The following DPP10 variants were observed in gnomAD, a reference collection of about 807,000 sequenced individuals.
DPP10 encodes the protein inactive dipeptidyl peptidase 10.
A neutral mutation model predicts 120.9 loss-of-function variants in DPP10; 33 were observed. The ratio of observed to expected loss-of-function variants is 0.27; its 90% CI spans 0.21 to 0.37. The LOEUF is 0.37. Among genes scored for constraint, DPP10 ranks in the 10% least tolerant of loss-of-function variants. DPP10 has a pLI of 1.00. For missense variants in DPP10, 816 were observed against 942.8 expected (o/e 0.87, Z 1.76); for synonymous variants, 337 against 326.1 (o/e 1.03, Z -0.36).
chr2:115,650,517 C>T (rs1204181965), intron 5 of DPP10, among the ~76,000 whole-genome samples: 2 of 151,976 alleles, frequency 1.3e-5, no homozygotes, highest in East Asian at 3.9e-4. Flanking sequence ...AGTTTCTTCT[C>T]CCTTTAATCA....
chr2:115,315,644 G>T (rs2061759567), intron 2 of DPP10, among the ~76,000 whole-genome samples: 1 of 152,054 alleles, frequency 6.6e-6, no homozygotes, highest in Non-Finnish European at 1.5e-5. Context: ...GTAAACATCG[G>T]CATCAATCAA....
intron 1 of DPP10, among the ~76,000 whole-genome samples, chr2:115,281,841 AAAGT>A (rs2060168996): frequency 1.3e-5 from 2 of 152,162 alleles, no homozygotes; most frequent in Admixed American, 1.3e-4. Context: ...TATGATTTTA[AAAGT>A]AAGGTGTATT....
chr2:114,890,979 C>G (rs981824602), intron 1 of DPP10, among the ~76,000 whole-genome samples: 1 of 151,880 alleles, frequency 6.6e-6, no homozygotes, highest in Non-Finnish European at 1.5e-5. Context: ...GAAAACACAC[C>G]GAGTTTTATC....
intron 1 of DPP10, among the ~76,000 whole-genome samples, chr2:115,029,221 T>G (rs1429182313): frequency 6.6e-6 from 1 of 152,046 alleles, no homozygotes. Context: ...ATTTTAAATC[T>G]GTTTTAAATT....
chr2:114,994,709 G>T (rs13400690), intron 1 of DPP10, among the ~76,000 whole-genome samples: 1 of 151,888 alleles, frequency 6.6e-6, no homozygotes, highest in African/African-American at 2.4e-5. Flanking sequence ...TTTTCTTTTC[G>T]CAGGGTCACA....
intron 3 of DPP10, among the ~76,000 whole-genome samples, chr2:115,498,339 A>G (rs1575023734): frequency 6.6e-6 from 1 of 152,126 alleles, no homozygotes; most frequent in East Asian, 1.9e-4. Flanking sequence ...AATAATATTT[A>G]AATAATGAGA....
chr2:115,424,532 A>G (rs6725629), intron 3 of DPP10, among the ~76,000 whole-genome samples: 4,322 of 152,132 alleles, frequency 0.028, 199 homozygotes, highest in African/African-American at 0.099. Flanking sequence ...GAAACTATTG[A>G]CATGGCTCCT....
At chr2:115,640,615 G>T (rs1158817823) in intron 5 of DPP10, among the ~76,000 whole-genome samples, 2 of 152,176 alleles carry the variant, frequency 1.3e-5, no homozygotes, top group African/African-American at 2.4e-5. Context: ...TGAAGGAATA[G>T]ATAAGTGTGA....
chr2:115,409,465 C>T (rs2068775971), intron 3 of DPP10, among the ~76,000 whole-genome samples: 1 of 152,112 alleles, frequency 6.6e-6, no homozygotes, highest in East Asian at 1.9e-4. Context: ...CATGCGATAC[C>T]AACTTACTTC....
intron 1 of DPP10, among the ~76,000 whole-genome samples, chr2:115,120,396 A>C (rs1297872528): frequency 6.6e-6 from 1 of 152,220 alleles, no homozygotes; most frequent in East Asian, 1.9e-4. Context: ...CAGACTAGTT[A>C]GTCAGAAGAC....
At chr2:115,377,886 G>A (rs1255824089) in intron 3 of DPP10, among the ~76,000 whole-genome samples, 1 of 152,004 alleles carries the variant, frequency 6.6e-6, no homozygotes, top group Non-Finnish European at 1.5e-5. Flanking sequence ...TATTTCTGAG[G>A]GCTCTGTTCT....
At chr2:115,378,226 C>T (rs1378244045) in intron 3 of DPP10, among the ~76,000 whole-genome samples, 2 of 151,956 alleles carry the variant, frequency 1.3e-5, no homozygotes, top group African/African-American at 4.8e-5. Context: ...TCTTTTATTT[C>T]ATCGAGCAGT....
intron 4 of DPP10, among the ~76,000 whole-genome samples, chr2:115,504,868 C>T (rs1035351578): frequency 4.6e-5 from 7 of 152,260 alleles, no homozygotes; most frequent in Non-Finnish European, 1.0e-4. Context: ...GAAGTCTACT[C>T]AGGCACTATT....
At chr2:114,946,818 G>A (rs1311019736) in intron 1 of DPP10, among the ~76,000 whole-genome samples, 1 of 151,868 alleles carries the variant, frequency 6.6e-6, no homozygotes, top group Non-Finnish European at 1.5e-5. Context: ...GTATTGGGAT[G>A]TGTTCCTTTC....
At chr2:114,856,572 CTGCTT>C (rs1414446404) in intron 1 of DPP10, among the ~76,000 whole-genome samples, 4 of 152,092 alleles carry the variant, frequency 2.6e-5, no homozygotes, top group Non-Finnish European at 5.9e-5. Context: ...GCATAAAGTA[CTGCTT>C]GTGCTATAGA....
intron 1 of DPP10, among the ~76,000 whole-genome samples, chr2:114,608,835 T>C (rs1164750603): frequency 6.6e-6 from 1 of 151,810 alleles, no homozygotes; most frequent in African/African-American, 2.4e-5. Context: ...GGGAGCTAAA[T>C]ATTGGGTAGT....
intron 4 of DPP10, among the ~76,000 whole-genome samples, chr2:115,520,662 C>T (rs2077754262): frequency 6.6e-6 from 1 of 152,164 alleles, no homozygotes. Context: ...TTTATACCAA[C>T]TTGTATTAAT....
At chr2:114,752,909 G>A (rs1314286422) in intron 1 of DPP10, among the ~76,000 whole-genome samples, 3 of 152,194 alleles carry the variant, frequency 2.0e-5, no homozygotes, top group African/African-American at 4.8e-5. Context: ...GATTTCTTAA[G>A]GCTGAACCCC....
chr2:114,997,696 G>C (rs1280660325), intron 1 of DPP10, among the ~76,000 whole-genome samples: 1 of 152,108 alleles, frequency 6.6e-6, no homozygotes, highest in African/African-American at 2.4e-5. Flanking sequence ...CTAGAAATAG[G>C]GATGAGTGTT....
Sources: allele counts gnomAD v4.1 joint callset (sites outside exome capture counted in the v4.1 genomes callset), GRCh38; gene constraint gnomAD v4.1.1; transcripts MANE v1.5; gene names NCBI Gene and HGNC (gene_info 2026-07-23, HGNC 2026-07-21).